NFIB: variants seen among roughly 807,000 people sequenced by gnomAD.
NFIB encodes the protein nuclear factor 1 B-type.
In NFIB, 11 loss-of-function variants were observed where a neutral mutation model predicts 61.5. The ratio of observed to expected loss-of-function variants is 0.18; its 90% CI spans 0.11 to 0.30. The LOEUF is 0.30. Ranked by LOEUF, NFIB falls within the 10% of genes least tolerant of loss-of-function variation. The pLI is 1.00. For missense variants in NFIB, 471 were observed against 608.9 expected (o/e 0.77, Z 2.38); for synonymous variants, 260 against 216.5 (o/e 1.20, Z -1.76).
At chr9:14,294,809 C>T (rs2059321054) in intron 2 of NFIB, among the ~76,000 whole-genome samples, 1 of 152,160 alleles carries the variant, frequency 6.6e-6, no homozygotes, top group Non-Finnish European at 1.5e-5. Context: ...TTTTACCCTA[C>T]GTCAATGTGA....
chr9:14,243,284 T>C (rs1273782994), intron 2 of NFIB, among the ~76,000 whole-genome samples: 1 of 152,164 alleles, frequency 6.6e-6, no homozygotes, highest in South Asian at 2.1e-4. Flanking sequence ...AACTAATTAT[T>C]TGAAAGAGAA....
intron 2 of NFIB, among the ~76,000 whole-genome samples, chr9:14,283,945 T>C (rs918234609): frequency 6.6e-6 from 1 of 152,218 alleles, no homozygotes; most frequent in Non-Finnish European, 1.5e-5. Flanking sequence ...CTCTGCTTCA[T>C]ACACACATTA....
intron 2 of NFIB, among the ~76,000 whole-genome samples, chr9:14,228,377 G>A (rs12685465): frequency 6.6e-6 from 1 of 151,732 alleles, no homozygotes; most frequent in Non-Finnish European, 1.5e-5. Context: ...TGCATGTTTA[G>A]TAGAGATAAG....
At chr9:14,170,134 C>T (rs370817725) in intron 3 of NFIB, among the ~76,000 whole-genome samples, 1 of 152,156 alleles carries the variant, frequency 6.6e-6, no homozygotes, top group South Asian at 2.1e-4. Flanking sequence ...TTTAGTCCAG[C>T]GAGCTTAACT....
At chr9:14,185,788 G>A (rs75297740) in intron 2 of NFIB, among the ~76,000 whole-genome samples, 1,786 of 152,286 alleles carry the variant, frequency 0.012, 38 homozygotes, top group African/African-American at 0.041. Flanking sequence ...AATTCCCAGG[G>A]CTAAGTCTCT....
At chr9:14,480,917 A>T in the NFIB span, among the ~76,000 whole-genome samples, 1 of 151,964 alleles carries the variant, frequency 6.6e-6, no homozygotes, top group African/African-American at 2.4e-5. Context: ...AAGTTGAAAA[A>T]TTTCAGATCC....
In NFIB at chr9:14,300,263, G is replaced by A. The variant is rs751629317; in HGVS notation, c.562+6726C>T. The A allele has an allele frequency of 4.3e-5, 17 of 398,302 alleles. No individual in the cohort carries two copies. The Admixed American group carries it at 5.3e-4, about 12-fold the overall frequency. The allele number at this position is 398,302 out of a possible 1,614,324, so 24.7% of individuals were successfully genotyped here. ...ATGCTTGGCACTGGGGCATGCAGCC[G>A]TAATAACTCAAGTTTCCGATCGCAT... On this transcript the variant is annotated intron_variant, in intron 2 of 10. Coordinates refer to ENST00000380953, the MANE Select transcript of NFIB (RefSeq NM_001190737.2).
At chr9:14,378,031 A>G (rs1053361268) in intron 1 of NFIB, among the ~76,000 whole-genome samples, 2 of 152,178 alleles carry the variant, frequency 1.3e-5, no homozygotes, top group African/African-American at 4.8e-5. Context: ...AGCTAGGATC[A>G]GCTGAAAGGA....
At chr9:14,408,715 GA>G in the NFIB span, among the ~76,000 whole-genome samples, 1 of 152,112 alleles carries the variant, frequency 6.6e-6, no homozygotes, top group African/African-American at 2.4e-5. Context: ...TGAGAGATAA[GA>G]AAAAATTACA....
At chr9:14,394,408 G>A (rs2133040007) in intron 1 of NFIB, among the ~76,000 whole-genome samples, 1 of 152,288 alleles carries the variant, frequency 6.6e-6, no homozygotes, top group Non-Finnish European at 1.5e-5. Context: ...TGGACTCACA[G>A]TTCCACATGG....
chr9:14,306,693 G>A (rs1343696549), intron 2 of NFIB, among the ~76,000 whole-genome samples: 1 of 152,110 alleles, frequency 6.6e-6, no homozygotes, highest in Non-Finnish European at 1.5e-5. Flanking sequence ...AACTATATTT[G>A]TTAGACTACC....
At chr9:14,353,948 GA>G (rs1423685729) in intron 1 of NFIB, among the ~76,000 whole-genome samples, 1 of 148,544 alleles carries the variant, frequency 6.7e-6, no homozygotes. Flanking sequence ...TCATCTGAAA[GA>G]AAAGACCTGC....
At chr9:14,290,119 T>C (rs1288706931) in intron 2 of NFIB, among the ~76,000 whole-genome samples, 1 of 152,070 alleles carries the variant, frequency 6.6e-6, no homozygotes, top group Non-Finnish European at 1.5e-5. Flanking sequence ...CAAGAATCTA[T>C]CATGTCTTTG....
At chr9:14,326,019 TAGGG>T (rs2060748103) in intron 1 of NFIB, among the ~76,000 whole-genome samples, 1 of 152,220 alleles carries the variant, frequency 6.6e-6, no homozygotes, top group Admixed American at 6.5e-5. Flanking sequence ...TATATAAAAA[TAGGG>T]AGGCTTAAAT....
chr9:14,262,136 C>T (rs111521064), intron 2 of NFIB, among the ~76,000 whole-genome samples: 59 of 152,272 alleles, frequency 3.9e-4, no homozygotes, highest in African/African-American at 1.2e-3. Context: ...CATGACTCCT[C>T]CCTCTTGCTG....
At chr9:14,453,572 G>C in the NFIB span, among the ~76,000 whole-genome samples, 1 of 152,250 alleles carries the variant, frequency 6.6e-6, no homozygotes, top group Admixed American at 6.5e-5. Flanking sequence ...CATCCATTAA[G>C]AAAACAAGAC....
the NFIB span, among the ~76,000 whole-genome samples, chr9:14,417,713 G>T: frequency 2.0e-5 from 3 of 149,880 alleles, no homozygotes; most frequent in African/African-American, 7.3e-5. Flanking sequence ...TAAAATACAA[G>T]TTGTTAGGTA....
chr9:14,389,938 T>C (rs1449369897), intron 1 of NFIB, among the ~76,000 whole-genome samples: 1 of 152,218 alleles, frequency 6.6e-6, no homozygotes, highest in Non-Finnish European at 1.5e-5. Flanking sequence ...ATGATTTCCA[T>C]TAGATTTCTC....
At chr9:14,129,818 T>C (rs1361466028) in intron 6 of NFIB, among the ~76,000 whole-genome samples, 1 of 152,170 alleles carries the variant, frequency 6.6e-6, no homozygotes, top group Admixed American at 6.5e-5. Context: ...ATAACTTGAA[T>C]AATGCATACA....
Sources: allele counts gnomAD v4.1 joint callset (sites outside exome capture counted in the v4.1 genomes callset), GRCh38; gene constraint gnomAD v4.1.1; transcripts MANE v1.5; gene names NCBI Gene and HGNC (gene_info 2026-07-23, HGNC 2026-07-21).